Variants in MLLT3 observed in about 807,000 individuals in gnomAD.
MLLT3 encodes MLLT3 super elongation complex subunit, also known as protein AF-9.
Under a neutral mutation model 53.2 loss-of-function variants are expected in MLLT3, and 4 were observed. The observed-to-expected ratio is 0.08, with a 90% CI of 0.04 to 0.17. The LOEUF is 0.17. MLLT3 is among the 10% of genes least tolerant of loss of function. The probability of loss-of-function intolerance (pLI) is 1.00; values close to 1 mark genes in which losing one functional copy is unlikely to be tolerated. For synonymous variants in MLLT3, 283 were observed against 230.6 expected, an observed-to-expected ratio of 1.23 and a Z score of -2.06; for missense variants, 569 against 684.0, an observed-to-expected ratio of 0.83 and a Z score of 1.87.
Position 20,399,097 on chromosome 9 carries a change from A to C in MLLT3, c.1125+14624T>G, listed in dbSNP as rs140532633. On this transcript the variant is annotated intron_variant, in intron 5 of 10. Coordinates refer to ENST00000380338, the MANE Select transcript of MLLT3 (RefSeq NM_004529.4). Reference sequence around the variant, plus strand: ...GATTTTGTTATATAAACTTATTTGCATAAGGGTGGCTTACACCCTGTACTG... The same window carrying C: ...GATTTTGTTATATAAACTTATTTGCCTAAGGGTGGCTTACACCCTGTACTG... Among the ~76,000 whole-genome samples, 944 of 152,224 alleles carry C rather than the reference A, an allele frequency of 6.2e-3. 5 individuals are homozygous for C. The highest frequency in any genetic ancestry group is 9.0e-3 in the Non-Finnish European group (612 of 68,002).
chr9:20,446,891 G>T (rs923114585), intron 4 of MLLT3, among the ~76,000 whole-genome samples: 2 of 152,112 alleles, frequency 1.3e-5, no homozygotes, highest in African/African-American at 4.8e-5. Context: ...AATACTCTAA[G>T]TGGCATTTCA....
At chr9:20,614,073 T>C (rs1417131053) in intron 2 of MLLT3, among the ~76,000 whole-genome samples, 2 of 152,126 alleles carry the variant, frequency 1.3e-5, no homozygotes, top group South Asian at 2.1e-4. Context: ...GGTAGGAATG[T>C]TCCTCTGTGC....
rs747580995 is a variant in MLLT3 at position 20,360,784 on chromosome 9, A to T, written c.1389T>A (p.His463Gln). ...SESSSASSPLHHEPPPPLLKT... is the reference protein window; with the variant it reads ...SESSSASSPLQHEPPPPLLKT... ...TTAGTAAGGGTGGTGGAGGTTCGTG[A>T]TGTAGGGGTGAAGAAGCAGAACTGC... is the stretch of plus-strand genomic sequence containing the variant. The change falls in exon 8 of 11, where the codon CAT (histidine) becomes CAA (glutamine). Residue 463 changes from histidine (H) to glutamine (Q), a missense_variant. By Grantham distance (24) the His-to-Gln change is conservative (BLOSUM62 0). This residue lies in a region of MLLT3 where 437 missense variants were observed against 376.5 expected (regional missense o/e 1.16). Transcript: ENST00000380338. 4 of 1,614,118 alleles carry T rather than the reference A, an allele frequency of 2.5e-6. No individual in the cohort carries two copies. In the Admixed American group the frequency reaches 6.7e-5, roughly 27 times the overall value.
At chr9:20,510,912 G>A (rs989054265) in intron 2 of MLLT3, among the ~76,000 whole-genome samples, 2 of 152,050 alleles carry the variant, frequency 1.3e-5, no homozygotes, top group African/African-American at 4.8e-5. Context: ...AACAAAAATT[G>A]GAAATGTGGT....
intron 2 of MLLT3, among the ~76,000 whole-genome samples, chr9:20,501,122 T>G (rs555745850): frequency 6.6e-6 from 1 of 152,366 alleles, no homozygotes; most frequent in East Asian, 1.9e-4. Context: ...CTAGTTAAAA[T>G]GCCTAGGAAT....
chr9:20,556,638 G>A (rs775949015), intron 2 of MLLT3, among the ~76,000 whole-genome samples: 4 of 152,030 alleles, frequency 2.6e-5, no homozygotes, highest in Non-Finnish European at 4.4e-5. Flanking sequence ...ATCCGAGATC[G>A]CACCACTGCA....
intron 5 of MLLT3, among the ~76,000 whole-genome samples, chr9:20,412,130 T>C (rs1822744691): frequency 6.6e-6 from 1 of 152,114 alleles, no homozygotes; most frequent in Non-Finnish European, 1.5e-5. Flanking sequence ...GAATATAAAA[T>C]GGCAAAGTTG....
At chr9:20,358,579 C>A (rs1221471364) in intron 8 of MLLT3, among the ~76,000 whole-genome samples, 1 of 152,108 alleles carries the variant, frequency 6.6e-6, no homozygotes, top group Non-Finnish European at 1.5e-5. Flanking sequence ...TAAACCTTTC[C>A]CTAAAGCCAA....
At chr9:20,584,536 G>A (rs4543623) in intron 2 of MLLT3, among the ~76,000 whole-genome samples, 4,195 of 152,242 alleles carry the variant, frequency 0.028, 161 homozygotes, top group East Asian at 0.13. Flanking sequence ...ACAGTTCCAC[G>A]TGGCTGGGAG....
At chr9:20,600,730 C>A (rs891354448) in intron 2 of MLLT3, among the ~76,000 whole-genome samples, 9 of 152,158 alleles carry the variant, frequency 5.9e-5, no homozygotes, top group African/African-American at 2.2e-4. Context: ...GCCTGAACAC[C>A]CAATTATCTC....
chr9:20,495,678 G>T (rs1825065071), intron 2 of MLLT3, among the ~76,000 whole-genome samples: 1 of 152,058 alleles, frequency 6.6e-6, no homozygotes, highest in South Asian at 2.1e-4. Flanking sequence ...TATTAACAAA[G>T]CATTCTTACT....
At chr9:20,546,284 TAAAAAATAAATAAATAAA>T (rs1818787006) in intron 2 of MLLT3, among the ~76,000 whole-genome samples, 3 of 152,030 alleles carry the variant, frequency 2.0e-5, no homozygotes, top group Non-Finnish European at 4.4e-5. Context: ...CATTGCCACT[TAAAAAATAAATAAATAAA>T]TAAAGGCAGG....
chr9:20,447,432 G>A (rs766549440), intron 4 of MLLT3, among the ~76,000 whole-genome samples: 11 of 152,182 alleles, frequency 7.2e-5, no homozygotes, highest in Non-Finnish European at 1.6e-4. Flanking sequence ...GATGATCCCA[G>A]TGACACTCAT....
At chr9:20,439,417 G>T (rs548000265) in intron 4 of MLLT3, among the ~76,000 whole-genome samples, 4 of 145,608 alleles carry the variant, frequency 2.7e-5, no homozygotes, top group Admixed American at 2.7e-4. Context: ...CTGATCTATG[G>T]ACTAAACAGT....
At chr9:20,519,056 A>G (rs1277836699) in intron 2 of MLLT3, among the ~76,000 whole-genome samples, 1 of 152,232 alleles carries the variant, frequency 6.6e-6, no homozygotes, top group African/African-American at 2.4e-5. Flanking sequence ...ATTAAATAGA[A>G]AAAAGTTGGA....
At chr9:20,360,953 C>A in intron 7 of MLLT3, 112 bp from the exon 8 acceptor site, 1 of 875,284 alleles carries the variant, frequency 1.1e-6, no homozygotes, top group Non-Finnish European at 1.9e-6. Flanking sequence ...TTGACAAGTT[C>A]ATTTTAACTC....
chr9:20,363,843 AT>A (rs1035006284), intron 6 of MLLT3, among the ~76,000 whole-genome samples: 6 of 152,058 alleles, frequency 3.9e-5, no homozygotes, highest in African/African-American at 7.2e-5. Context: ...TTTTCTAGGA[AT>A]TTTTTTTCTG....
At chr9:20,370,750 A>C (rs965584337) in intron 5 of MLLT3, among the ~76,000 whole-genome samples, 17 of 152,142 alleles carry the variant, frequency 1.1e-4, no homozygotes, top group African/African-American at 4.1e-4. Flanking sequence ...ACCTCAGGTG[A>C]TCCACCTGCC....
At chr9:20,356,444 C>A (rs1379062914) in intron 8 of MLLT3, among the ~76,000 whole-genome samples, 1 of 151,982 alleles carries the variant, frequency 6.6e-6, no homozygotes, top group Non-Finnish European at 1.5e-5. Flanking sequence ...AAAGTGAGAT[C>A]TCAAGGGAAA....
Sources: allele counts gnomAD v4.1 joint callset (sites outside exome capture counted in the v4.1 genomes callset), GRCh38; gene constraint gnomAD v4.1.1; regional missense constraint gnomAD v4.1.1; transcripts MANE v1.5; gene names NCBI Gene and HGNC (gene_info 2026-07-23, HGNC 2026-07-21).